B3GALT1: variants seen among roughly 807,000 people sequenced by gnomAD.
B3GALT1 encodes beta-1,3-galactosyltransferase 1.
B3GALT1 carries 10 observed loss-of-function variants against 23.2 expected under a neutral mutation model. The observed-to-expected ratio is 0.43, with a 90% CI of 0.27 to 0.73. The LOEUF (loss-of-function observed/expected upper bound fraction) is 0.73. B3GALT1 is among the 30% of genes least tolerant of loss of function. B3GALT1 has a pLI of 0.21. For missense variants in B3GALT1, 299 were observed against 405.4 expected, an observed-to-expected ratio of 0.74 and a Z score of 2.25; for synonymous variants, 156 against 141.5, an observed-to-expected ratio of 1.10 and a Z score of -0.73.
At chr2:167,502,953 C>T (rs1699867451) in intron 2 of B3GALT1, among the ~76,000 whole-genome samples, 1 of 152,102 alleles carries the variant, frequency 6.6e-6, no homozygotes, top group Non-Finnish European at 1.5e-5. Context: ...GCACGAGAAT[C>T]ACTTGAACCT....
intron 3 of B3GALT1, among the ~76,000 whole-genome samples, chr2:167,703,957 G>A (rs531292966): frequency 5.9e-4 from 89 of 152,048 alleles, no homozygotes; most frequent in African/African-American, 1.8e-3. Flanking sequence ...CAAGGCGGGC[G>A]GATCACGAGG....
At chr2:167,724,579 C>T (rs1298125135) in intron 3 of B3GALT1, among the ~76,000 whole-genome samples, 1 of 152,104 alleles carries the variant, frequency 6.6e-6, no homozygotes, top group Non-Finnish European at 1.5e-5. Context: ...TATTTATCAA[C>T]ATTTACCATG....
intron 3 of B3GALT1, among the ~76,000 whole-genome samples, chr2:167,690,488 AT>A (rs35365803): frequency 6.6e-6 from 1 of 152,116 alleles, no homozygotes; most frequent in African/African-American, 2.4e-5. Flanking sequence ...GTTGAGTTTT[AT>A]TTTTGGTGCA....
intron 1 of B3GALT1, among the ~76,000 whole-genome samples, chr2:167,412,539 A>G (rs1164426341): frequency 6.6e-6 from 1 of 152,214 alleles, no homozygotes; most frequent in Non-Finnish European, 1.5e-5. Flanking sequence ...ACTTGAATCT[A>G]CAACATACCA....
intron 3 of B3GALT1, among the ~76,000 whole-genome samples, chr2:167,773,864 A>G (rs573771553): frequency 1.3e-5 from 2 of 152,362 alleles, no homozygotes; most frequent in South Asian, 4.1e-4. Flanking sequence ...TTGCCAGTCT[A>G]CTAATCTGGA....
Position 167,424,110 on chromosome 2 carries a change from G to A in B3GALT1, c.-510-66067G>A, listed in dbSNP as rs182434659. Among the ~76,000 whole-genome samples, 143 of 152,180 alleles carry A rather than the reference G, an allele frequency of 9.4e-4. 1 individual carries two copies. Among genetic ancestry groups the A allele is most frequent in the African/African-American group, 2.8e-3 (115 of 41,524 alleles). ...ATTCAACGTCTCTAATCATTCAACC[G>A]CAATTTATTAAGCATCTAACATGCT... On this transcript the variant is annotated intron_variant, in intron 1 of 4. Coordinates refer to ENST00000392690, the MANE Select transcript of B3GALT1 (RefSeq NM_020981.4).
At chr2:167,313,472 T>C (rs958173428) in intron 1 of B3GALT1, among the ~76,000 whole-genome samples, 12 of 152,150 alleles carry the variant, frequency 7.9e-5, no homozygotes, top group African/African-American at 1.2e-4. Flanking sequence ...ACTAAGGATA[T>C]TTTCAGTATC....
chr2:167,630,951 G>A (rs951415537), intron 2 of B3GALT1, among the ~76,000 whole-genome samples: 7 of 133,410 alleles, frequency 5.2e-5, no homozygotes, highest in African/African-American at 1.4e-4. Context: ...TATTTTCAAA[G>A]AATGAAAAAG....
chr2:167,738,532 G>A lies in B3GALT1; in HGVS notation c.-351-80140G>A, dbSNP rs543225591. Among the ~76,000 whole-genome samples, 14 of 152,264 alleles carry A rather than the reference G, an allele frequency of 9.2e-5. No homozygotes were observed. In the South Asian group the frequency reaches 2.5e-3, roughly 27 times the overall value. ...TAAAGACAAGCACAAACAGTTGTTA[G>A]AAGTCACCACAATGGAGTTCTTATG... On this transcript the variant is annotated intron_variant, in intron 3 of 4. Coordinates refer to ENST00000392690, the MANE Select transcript of B3GALT1 (RefSeq NM_020981.4).
intron 3 of B3GALT1, among the ~76,000 whole-genome samples, chr2:167,781,640 C>T (rs961450427): frequency 1.3e-5 from 2 of 152,220 alleles, no homozygotes; most frequent in East Asian, 3.8e-4. Context: ...GGCTGACCCC[C>T]TTTCCCTCTC....
intron 2 of B3GALT1, among the ~76,000 whole-genome samples, chr2:167,572,262 C>T (rs976901514): frequency 3.3e-5 from 5 of 151,670 alleles, no homozygotes; most frequent in Admixed American, 2.6e-4. Flanking sequence ...TAATAACTTT[C>T]CACGGAAAAT....
chr2:167,307,142 T>G (rs1696563970), intron 1 of B3GALT1, among the ~76,000 whole-genome samples: 3 of 152,012 alleles, frequency 2.0e-5, no homozygotes, highest in Admixed American at 2.0e-4. Context: ...GGTAGTGGTA[T>G]ATGTTCAAAA....
chr2:167,757,490 C>T (rs895292185), intron 3 of B3GALT1, among the ~76,000 whole-genome samples: 1 of 152,058 alleles, frequency 6.6e-6, no homozygotes, highest in Non-Finnish European at 1.5e-5. Flanking sequence ...ACTGTAATAC[C>T]CATGTAACAA....
intron 3 of B3GALT1, among the ~76,000 whole-genome samples, chr2:167,797,193 C>G (rs925931951): frequency 6.6e-6 from 1 of 152,188 alleles, no homozygotes; most frequent in Non-Finnish European, 1.5e-5. Context: ...GTGTTCTCAT[C>G]ATTAGCTCCC....
chr2:167,799,633 A>G (rs1421554421), intron 3 of B3GALT1, among the ~76,000 whole-genome samples: 2 of 152,226 alleles, frequency 1.3e-5, no homozygotes, highest in African/African-American at 4.8e-5. Flanking sequence ...AGCACATATA[A>G]ACAGAGAGTT....
chr2:167,340,807 C>T (rs1697136089), intron 1 of B3GALT1, among the ~76,000 whole-genome samples: 2 of 152,114 alleles, frequency 1.3e-5, no homozygotes, highest in South Asian at 4.2e-4. Flanking sequence ...CAAAAGTTAG[C>T]AGATATGGAG....
intron 1 of B3GALT1, among the ~76,000 whole-genome samples, chr2:167,393,439 CAACA>C (rs1441932666): frequency 6.6e-6 from 1 of 151,692 alleles, no homozygotes; most frequent in Non-Finnish European, 1.5e-5. Context: ...ACCCTGAAAG[CAACA>C]TGGATCTCAT....
intron 2 of B3GALT1, among the ~76,000 whole-genome samples, chr2:167,562,794 C>T (rs779197747): frequency 0.012 from 1,774 of 151,962 alleles, 14 homozygotes; most frequent in Non-Finnish European, 0.017. Context: ...GAGGACCCTG[C>T]GGCCTTCCGC....
chr2:167,661,043 A>T (rs961750397), intron 3 of B3GALT1, among the ~76,000 whole-genome samples: 4 of 152,152 alleles, frequency 2.6e-5, no homozygotes, highest in African/African-American at 9.7e-5. Context: ...AAAAGAAAGA[A>T]GGGTACACTG....
Sources: allele counts gnomAD v4.1 joint callset (sites outside exome capture counted in the v4.1 genomes callset), GRCh38; gene constraint gnomAD v4.1.1; transcripts MANE v1.5; gene names NCBI Gene and HGNC (gene_info 2026-07-23, HGNC 2026-07-21).